The following SLC4A10 variants were observed in gnomAD, a reference collection of about 807,000 sequenced individuals.
SLC4A10 encodes the protein solute carrier family 4 member 10.
A neutral mutation model predicts 137.7 loss-of-function variants in SLC4A10; 42 were observed. The ratio of observed to expected loss-of-function variants is 0.30; its 90% CI spans 0.24 to 0.39. The LOEUF (loss-of-function observed/expected upper bound fraction) is 0.39. Among genes scored for constraint, SLC4A10 ranks in the 10% least tolerant of loss-of-function variants. The pLI is 1.00. For synonymous variants in SLC4A10, 474 were observed against 464.1 expected (o/e 1.02, Z -0.27); for missense variants, 925 against 1,355.0 (o/e 0.68, Z 4.98).
intron 5 of SLC4A10, among the ~76,000 whole-genome samples, chr2:161,860,224 C>A (rs2060355936): frequency 6.6e-6 from 1 of 152,114 alleles, no homozygotes; most frequent in Non-Finnish European, 1.5e-5. Context: ...AACTAATGAA[C>A]AGATGAGTGT....
intron 15 of SLC4A10, among the ~76,000 whole-genome samples, chr2:161,927,958 G>A (rs1227882722): frequency 9.3e-5 from 14 of 151,226 alleles, no homozygotes; most frequent in Non-Finnish European, 1.5e-5. Context: ...GTGGAAGTCA[G>A]TGTGGCGATT....
At chr2:161,808,958 G>T (rs1457194139) in intron 3 of SLC4A10, among the ~76,000 whole-genome samples, 1 of 152,126 alleles carries the variant, frequency 6.6e-6, no homozygotes, top group African/African-American at 2.4e-5. Flanking sequence ...TTGAATGGTA[G>T]TTCTGTTTTA....
At chr2:161,686,705 G>A (rs2041446689) in intron 1 of SLC4A10, among the ~76,000 whole-genome samples, 1 of 152,144 alleles carries the variant, frequency 6.6e-6, no homozygotes, top group African/African-American at 2.4e-5. Flanking sequence ...TTGATGCCCT[G>A]ACATTGGCAT....
intron 2 of SLC4A10, 21 bp from the exon 3 acceptor site, chr2:161,804,428 T>C (rs547271218): frequency 3.7e-6 from 6 of 1,602,756 alleles, no homozygotes; most frequent in Non-Finnish European, 5.1e-6. Context: ...GTTTAATTTG[T>C]GGGTTTGCTT....
At chr2:161,962,231 C>A (rs1696849817) in intron 21 of SLC4A10, among the ~76,000 whole-genome samples, 1 of 152,178 alleles carries the variant, frequency 6.6e-6, no homozygotes, top group Non-Finnish European at 1.5e-5. Flanking sequence ...ACAGTGTTCT[C>A]ATGAATGCTG....
intron 3 of SLC4A10, among the ~76,000 whole-genome samples, chr2:161,806,937 C>A (rs756724413): frequency 7.9e-5 from 12 of 152,126 alleles, no homozygotes; most frequent in Non-Finnish European, 1.3e-4. Flanking sequence ...TAAAAACATA[C>A]CTGAGACTAG....
intron 15 of SLC4A10, among the ~76,000 whole-genome samples, chr2:161,907,055 C>CAAAAA (rs556899761): frequency 1.1e-5 from 1 of 90,944 alleles, no homozygotes; most frequent in African/African-American, 3.9e-5. Flanking sequence ...GACTCCGTCT[C>CAAAAA]AAAAAAAAAA....
chr2:161,879,329 A>G, intron 9 of SLC4A10, 41 bp downstream of exon 9: 3 of 1,526,806 alleles, frequency 2.0e-6, no homozygotes, highest in South Asian at 1.3e-5. Flanking sequence ...TTCTTAAACC[A>G]TCTTTTCATG....
At chr2:161,863,616 G>A (rs2060561652) in intron 6 of SLC4A10, among the ~76,000 whole-genome samples, 1 of 152,156 alleles carries the variant, frequency 6.6e-6, no homozygotes, top group Non-Finnish European at 1.5e-5. Flanking sequence ...TGTTTGTAAT[G>A]CAGCATCTTC....
intron 6 of SLC4A10, among the ~76,000 whole-genome samples, chr2:161,866,057 T>C (rs1392166610): frequency 6.6e-6 from 1 of 152,012 alleles, no homozygotes; most frequent in Non-Finnish European, 1.5e-5. Context: ...TCCCTAAGCA[T>C]AGTGGTAGAA....
chr2:161,637,052 TATA>T (rs2034510961), intron 1 of SLC4A10, among the ~76,000 whole-genome samples: 3 of 141,228 alleles, frequency 2.1e-5, no homozygotes, highest in Non-Finnish European at 3.1e-5. Flanking sequence ...TATATAGATA[TATA>T]TGTATATATC....
At chr2:161,783,485 G>T (rs1574946985) in intron 2 of SLC4A10, among the ~76,000 whole-genome samples, 1 of 152,084 alleles carries the variant, frequency 6.6e-6, no homozygotes, top group East Asian at 1.9e-4. Context: ...TGCAATAGTG[G>T]TAGGTAGACC....
chr2:161,811,171 T>C (rs2056518445), intron 3 of SLC4A10, among the ~76,000 whole-genome samples: 1 of 152,110 alleles, frequency 6.6e-6, no homozygotes, highest in Non-Finnish European at 1.5e-5. Flanking sequence ...GTGTTCATAA[T>C]AGTCTCTGAA....
intron 1 of SLC4A10, among the ~76,000 whole-genome samples, chr2:161,686,833 A>G (rs1397718536): frequency 6.6e-6 from 1 of 151,888 alleles, no homozygotes; most frequent in African/African-American, 2.4e-5. Context: ...AGCAGCCCCA[A>G]GGGCTGCTGG....
chr2:161,719,843 T>C (rs2045420892), intron 1 of SLC4A10, among the ~76,000 whole-genome samples: 1 of 151,952 alleles, frequency 6.6e-6, no homozygotes, highest in Non-Finnish European at 1.5e-5. Context: ...ATTTTGTAGG[T>C]TGCCTGTTCA....
intron 1 of SLC4A10, among the ~76,000 whole-genome samples, chr2:161,725,622 G>T (rs2046135051): frequency 6.6e-6 from 1 of 152,056 alleles, no homozygotes; most frequent in Non-Finnish European, 1.5e-5. Flanking sequence ...AAAAATTACA[G>T]TAAAAATACT....
At chr2:161,720,258 C>G (rs1169708927) in intron 1 of SLC4A10, among the ~76,000 whole-genome samples, 1 of 152,114 alleles carries the variant, frequency 6.6e-6, no homozygotes, top group African/African-American at 2.4e-5. Context: ...ATCTATATCT[C>G]TGTTTTGGTA....
At chr2:161,739,836 G>T (rs1397876407) in intron 1 of SLC4A10, among the ~76,000 whole-genome samples, 1 of 152,180 alleles carries the variant, frequency 6.6e-6, no homozygotes, top group Non-Finnish European at 1.5e-5. Flanking sequence ...ATGGACTCAG[G>T]TGGCCACCTT....
intron 1 of SLC4A10, among the ~76,000 whole-genome samples, chr2:161,697,336 T>C (rs937787275): frequency 1.2e-4 from 19 of 152,208 alleles, no homozygotes; most frequent in Non-Finnish European, 2.5e-4. Context: ...AATTTTGGCT[T>C]TTGTTGCCAT....
Sources: gnomAD v4.1 joint callset for allele counts (sites outside exome capture counted in the v4.1 genomes callset) on GRCh38, gnomAD v4.1.1 for gene constraint, MANE v1.5 for transcripts, NCBI Gene and HGNC (gene_info 2026-07-23, HGNC 2026-07-21) for gene names.